Variants in NBEA observed in about 807,000 individuals in gnomAD.
NBEA encodes neurobeachin, also known as lysosomal-trafficking regulator 2.
Under a neutral mutation model 343.4 loss-of-function variants are expected in NBEA, and 44 were observed. The ratio of observed to expected loss-of-function variants is 0.13; its 90% CI spans 0.10 to 0.16. The LOEUF is 0.16. NBEA is among the 10% of genes least tolerant of loss of function. The pLI, the probability that NBEA is intolerant of heterozygous loss-of-function variation, is 1.00. For synonymous variants in NBEA, 1,175 were observed against 1,238.7 expected (o/e 0.95, Z 1.08); for missense variants, 2,555 against 3,631.3 (o/e 0.70, Z 7.62).
chr13:35,326,600 C>T (rs905410857), intron 36 of NBEA, among the ~76,000 whole-genome samples: 15 of 151,932 alleles, frequency 9.9e-5, no homozygotes, highest in Non-Finnish European at 1.8e-4. Context: ...AGTTAGGCTT[C>T]TTCTTTTTCT....
chr13:35,036,942 T>G (rs569855921), intron 1 of NBEA, among the ~76,000 whole-genome samples: 1 of 152,252 alleles, frequency 6.6e-6, no homozygotes, highest in African/African-American at 2.4e-5. Context: ...TTTCTCTAGG[T>G]TTGGTTAGTT....
At chr13:35,015,631 A>G (rs1444699107) in intron 1 of NBEA, among the ~76,000 whole-genome samples, 1 of 152,272 alleles carries the variant, frequency 6.6e-6, no homozygotes. Flanking sequence ...TATAGTCATT[A>G]TTTTTGAAAA....
intron 38 of NBEA, among the ~76,000 whole-genome samples, chr13:35,361,457 G>A (rs2152874741): frequency 6.6e-6 from 1 of 152,204 alleles, no homozygotes; most frequent in Admixed American, 6.6e-5. Context: ...AATCTTTTCA[G>A]CAAATAGTGC....
At chr13:35,505,291 A>C (rs894204226) in intron 41 of NBEA, among the ~76,000 whole-genome samples, 13 of 152,310 alleles carry the variant, frequency 8.5e-5, no homozygotes, top group Admixed American at 3.3e-4. Context: ...ATAGCTAACT[A>C]TTATTTCAAT....
chr13:35,258,121 C>T (rs902475643), intron 34 of NBEA, among the ~76,000 whole-genome samples: 35 of 150,620 alleles, frequency 2.3e-4, no homozygotes, highest in East Asian at 3.9e-4. Flanking sequence ...TAAGGTTTTG[C>T]AAACTTTTTC....
intron 1 of NBEA, among the ~76,000 whole-genome samples, chr13:34,991,010 T>C (rs1253675774): frequency 6.6e-6 from 1 of 152,222 alleles, no homozygotes; most frequent in Non-Finnish European, 1.5e-5. Context: ...AAAAGTGATC[T>C]TTGCCCCAGT....
At chr13:35,318,573 G>A (rs1022927791) in intron 36 of NBEA, among the ~76,000 whole-genome samples, 1 of 152,092 alleles carries the variant, frequency 6.6e-6, no homozygotes, top group Non-Finnish European at 1.5e-5. Flanking sequence ...TTATTTTGTT[G>A]TGTCTCTGCC....
At chr13:35,011,037 G>A (rs1038627720) in intron 1 of NBEA, among the ~76,000 whole-genome samples, 21 of 151,746 alleles carry the variant, frequency 1.4e-4, no homozygotes, top group Admixed American at 1.3e-3. Context: ...GGTCAGGAAC[G>A]AGTCTTGTAG....
At chr13:35,131,329 A>T (rs1372637495) in intron 17 of NBEA, among the ~76,000 whole-genome samples, 2 of 152,164 alleles carry the variant, frequency 1.3e-5, no homozygotes, top group Non-Finnish European at 2.9e-5. Flanking sequence ...TATGAACATG[A>T]GTCTATCAGT....
At chr13:35,243,199 G>T (rs1418600038) in intron 34 of NBEA, among the ~76,000 whole-genome samples, 2 of 151,742 alleles carry the variant, frequency 1.3e-5, no homozygotes, top group African/African-American at 4.8e-5. Flanking sequence ...AAGTTGTTCA[G>T]TTTAAAATGA....
At chr13:34,983,065 A>G (rs937671861) in intron 1 of NBEA, among the ~76,000 whole-genome samples, 3 of 152,188 alleles carry the variant, frequency 2.0e-5, no homozygotes, top group African/African-American at 7.2e-5. Flanking sequence ...GTACATGTGC[A>G]CAACGTGCAG....
chr13:35,634,200 G>A (rs1471495226), intron 49 of NBEA, among the ~76,000 whole-genome samples: 2 of 152,022 alleles, frequency 1.3e-5, no homozygotes, highest in African/African-American at 4.8e-5. Flanking sequence ...AAAAATAGCT[G>A]GGCGTGGTGG....
At chr13:35,512,269 G>A (rs1199290102) in intron 41 of NBEA, among the ~76,000 whole-genome samples, 1 of 152,128 alleles carries the variant, frequency 6.6e-6, no homozygotes, top group Non-Finnish European at 1.5e-5. Flanking sequence ...TTACCTGATG[G>A]TTGAAGGGTT....
rs34258848 is a variant in NBEA, at chr13:34,996,480, GTA to G, written c.295-44444_295-44443del. Among the ~76,000 whole-genome samples the G allele has an allele frequency of 6.4e-3, 968 of 151,776 alleles. 11 individuals carry two copies. The highest frequency in any genetic ancestry group is 0.022 in the African/African-American group (923 of 41,408). ...CCTCTGCGTTTGTGTGTGTGTGTGT[GTA>G]TATATATAATTGTCAACATGATAGA... On this transcript the variant is annotated intron_variant, in intron 1 of 58. Transcript: ENST00000379939.
intron 10 of NBEA, among the ~76,000 whole-genome samples, chr13:35,081,247 A>G (rs961722200): frequency 1.8e-4 from 27 of 152,020 alleles, no homozygotes; most frequent in African/African-American, 6.5e-4. Flanking sequence ...ATTTTTGTAC[A>G]AATCCTAGCT....
intron 6 of NBEA, among the ~76,000 whole-genome samples, chr13:35,052,055 C>T (rs934231721): frequency 6.6e-6 from 1 of 151,958 alleles, no homozygotes; most frequent in Non-Finnish European, 1.5e-5. Context: ...TGCAGTGAAT[C>T]TAAGGGGTCT....
chr13:35,073,592 CTTTGT>C (rs896301116), intron 10 of NBEA, among the ~76,000 whole-genome samples: 3 of 152,104 alleles, frequency 2.0e-5, no homozygotes, highest in African/African-American at 7.2e-5. Context: ...GGCACTACTA[CTTTGT>C]TTTATCAACT....
chr13:35,158,108 C>T (rs1388307215), intron 21 of NBEA, among the ~76,000 whole-genome samples: 1 of 152,048 alleles, frequency 6.6e-6, no homozygotes, highest in African/African-American at 2.4e-5. Flanking sequence ...CCTTTATTCA[C>T]CCAAAGAGGT....
At chr13:34,986,481 C>T (rs181765887) in intron 1 of NBEA, among the ~76,000 whole-genome samples, 33 of 150,692 alleles carry the variant, frequency 2.2e-4, no homozygotes, top group East Asian at 1.7e-3. Flanking sequence ...GGAATAAGTG[C>T]GACGTGTTGC....
Sources: gnomAD v4.1 joint callset for allele counts (sites outside exome capture counted in the v4.1 genomes callset) on GRCh38, gnomAD v4.1.1 for gene constraint, MANE v1.5 for transcripts, NCBI Gene and HGNC (gene_info 2026-07-23, HGNC 2026-07-21) for gene names.